Variants in PCCA observed in about 807,000 individuals in gnomAD.
PCCA encodes the protein propionyl-CoA carboxylase subunit alpha.
A neutral mutation model predicts 101.3 loss-of-function variants in PCCA; 74 were observed. The observed-to-expected ratio is 0.73, with a 90% CI of 0.61 to 0.89. PCCA has a LOEUF of 0.89. Ranked by LOEUF, PCCA falls within the 40% of genes least tolerant of loss-of-function variation. The pLI is 0.00. For missense variants in PCCA, 891 were observed against 907.0 expected, an observed-to-expected ratio of 0.98 and a Z score of 0.23; for synonymous variants, 294 against 313.6, an observed-to-expected ratio of 0.94 and a Z score of 0.66.
chr13:100,304,032 G>T (rs1242340272), intron 14 of PCCA, among the ~76,000 whole-genome samples: 1 of 152,232 alleles, frequency 6.6e-6, no homozygotes, highest in African/African-American at 2.4e-5. Context: ...TTTTCACCAT[G>T]TTGTAATAGC....
intron 4 of PCCA, among the ~76,000 whole-genome samples, chr13:100,133,527 A>G (rs889983005): frequency 6.6e-6 from 1 of 152,202 alleles, no homozygotes; most frequent in Non-Finnish European, 1.5e-5. Flanking sequence ...CTTTATTGTT[A>G]GATATGTGAT....
Position 100,523,545 on chromosome 13 carries a change from G to A in PCCA, c.2041-4130G>A, listed in dbSNP as rs562704359. The stretch of plus-strand genomic sequence containing the variant: ...CACAGAGCAATGCTGGGTGACACTC[G>A]GGCCCCCACGACATGCGAAAATCTG... On this transcript the variant is annotated intron_variant, in intron 22 of 23. Coordinates refer to ENST00000376285, the MANE Select transcript of PCCA (RefSeq NM_000282.4). 4.6e-5 allele frequency among the ~76,000 whole-genome samples: 7 copies of A among 152,234 alleles called. No homozygotes were observed. In the East Asian group the frequency reaches 5.8e-4, roughly 13 times the overall value.
At chr13:100,348,787 T>TTCCTTCCTTCCTTCCTTC (rs2072771494) in intron 18 of PCCA, among the ~76,000 whole-genome samples, 54 of 46,614 alleles carry the variant, frequency 1.2e-3, no homozygotes, top group Non-Finnish European at 1.9e-3. Flanking sequence ...TTTCTTTCTT[T>TTCCTTCCTTCCTTCCTTC]CTTCCTTCCT....
At chr13:100,356,949 A>G (rs564430195) in intron 18 of PCCA, among the ~76,000 whole-genome samples, 6 of 152,246 alleles carry the variant, frequency 3.9e-5, no homozygotes, top group Non-Finnish European at 7.3e-5. Context: ...AAAATGCTAG[A>G]TGAAATAATT....
At chr13:100,491,632 TTAA>T in intron 21 of PCCA, 7 of 1,303,226 alleles carry the variant, frequency 5.4e-6, no homozygotes, top group Non-Finnish European at 7.1e-6. Context: ...CGGTGCACTC[TTAA>T]TAACTTTTTT....
At chr13:100,480,589 A>T (rs1017197422) in intron 21 of PCCA, among the ~76,000 whole-genome samples, 3 of 152,222 alleles carry the variant, frequency 2.0e-5, no homozygotes, top group African/African-American at 4.8e-5. Flanking sequence ...CGTGACTTCC[A>T]TAGAACCTTT....
At chr13:100,090,569 A>G (rs2046187385) in intron 1 of PCCA, among the ~76,000 whole-genome samples, 1 of 152,118 alleles carries the variant, frequency 6.6e-6, no homozygotes, top group East Asian at 1.9e-4. Flanking sequence ...CCTGTCTTCC[A>G]CTTCTGGGGA....
chr13:100,117,844 T>C (rs1201312531), intron 4 of PCCA, among the ~76,000 whole-genome samples: 5 of 150,650 alleles, frequency 3.3e-5, no homozygotes, highest in Admixed American at 1.3e-4. Flanking sequence ...AGGCCGGGCG[T>C]AGTGGCTCAC....
intron 19 of PCCA, among the ~76,000 whole-genome samples, chr13:100,380,340 A>T: frequency 6.6e-6 from 1 of 152,126 alleles, no homozygotes; most frequent in Non-Finnish European, 1.5e-5. Flanking sequence ...CCAGCCTGGG[A>T]TACAGAGCAA....
chr13:100,165,429 A>G (rs1464490776), intron 6 of PCCA, among the ~76,000 whole-genome samples: 2 of 152,136 alleles, frequency 1.3e-5, no homozygotes, highest in African/African-American at 2.4e-5. Context: ...CCTAACCAAT[A>G]TGTTTATGCT....
At chr13:100,246,177 A>G (rs755482351) in intron 8 of PCCA, among the ~76,000 whole-genome samples, 16 of 152,200 alleles carry the variant, frequency 1.1e-4, no homozygotes, top group Non-Finnish European at 2.1e-4. Flanking sequence ...AGTTGGGGCA[A>G]TGTCCTGAAC....
At chr13:100,314,900 G>A (rs1310882813) in intron 16 of PCCA, among the ~76,000 whole-genome samples, 1 of 152,138 alleles carries the variant, frequency 6.6e-6, no homozygotes, top group Admixed American at 6.5e-5. Context: ...TGGGACAATT[G>A]GTGAGATTTG....
intron 4 of PCCA, 21 bp downstream of exon 4, chr13:100,112,082 T>C: frequency 6.3e-7 from 1 of 1,587,518 alleles, no homozygotes; most frequent in Non-Finnish European, 8.6e-7. Flanking sequence ...TTTTGCTTTG[T>C]TTAAATCAGG....
intron 16 of PCCA, among the ~76,000 whole-genome samples, chr13:100,326,886 A>G (rs1461670552): frequency 6.6e-6 from 1 of 152,178 alleles, no homozygotes; most frequent in Non-Finnish European, 1.5e-5. Context: ...GTTTCAGTCA[A>G]CAGTATGTTA....
intron 12 of PCCA, among the ~76,000 whole-genome samples, chr13:100,290,070 G>T (rs995463182): frequency 6.6e-6 from 1 of 152,086 alleles, no homozygotes; most frequent in Non-Finnish European, 1.5e-5. Flanking sequence ...ATTGGGTTTC[G>T]GTTCTTGTCT....
At chr13:100,102,485 T>G (rs909785735) in intron 1 of PCCA, among the ~76,000 whole-genome samples, 2 of 152,204 alleles carry the variant, frequency 1.3e-5, no homozygotes, top group African/African-American at 2.4e-5. Context: ...ATAAAAAGAA[T>G]ATTTTATTAT....
At position 100,400,630 on chromosome 13, in the gene PCCA, C is replaced by CTTTTTTTTTTTTTTTTTTTT. The variant is rs1281449669; in HGVS notation, c.1747-24986_1747-24985insTTTTTTTTTTTTTTTTTTTT. Among the ~76,000 whole-genome samples the CTTTTTTTTTTTTTTTTTTTT allele has an allele frequency of 7.0e-4, 64 of 90,942 alleles. 4 individuals carry two copies. The highest frequency in any genetic ancestry group is 3.3e-3 in the African/African-American group (61 of 18,614). 59.7% of individuals were successfully genotyped at this position (90,942 alleles called of 152,430 possible). A position where few individuals can be genotyped will look rare whatever the true frequency, so the allele number is the denominator to read the frequency against. ...TGATTGATCTTAGTTCTTTTTAGTT[C>CTTTTTTTTTTTTTTTTTTTT]TTTTTTTTTTTTTTTTTGAGAGTTT... On this transcript the variant is annotated intron_variant, in intron 19 of 23. Coordinates refer to ENST00000376285, the MANE Select transcript of PCCA (RefSeq NM_000282.4).
intron 1 of PCCA, 22 bp downstream of exon 1, chr13:100,089,247 C>G (rs1428142555): frequency 6.8e-7 from 1 of 1,476,080 alleles, no homozygotes; most frequent in Non-Finnish European, 9.0e-7. Flanking sequence ...CGGGGCCTCG[C>G]GGGTCCGGGC....
At chr13:100,322,100 G>A (rs2068118369) in intron 16 of PCCA, among the ~76,000 whole-genome samples, 1 of 152,148 alleles carries the variant, frequency 6.6e-6, no homozygotes, top group Non-Finnish European at 1.5e-5. Flanking sequence ...TCATGTAACT[G>A]TCTGGTCCAT....
Sources: allele counts gnomAD v4.1 joint callset (sites outside exome capture counted in the v4.1 genomes callset), GRCh38; gene constraint gnomAD v4.1.1; transcripts MANE v1.5; gene names NCBI Gene and HGNC (gene_info 2026-07-23, HGNC 2026-07-21).